CASTOR2: variants seen among roughly 807,000 people sequenced by gnomAD.
CASTOR2 encodes the protein GATS protein like 2.
Under a neutral mutation model 31.2 loss-of-function variants are expected in CASTOR2, and 8 were observed. The observed-to-expected ratio is 0.26, with a 90% confidence interval of 0.15 to 0.46. The LOEUF (loss-of-function observed/expected upper bound fraction) is 0.46. CASTOR2 is among the 20% of genes least tolerant of loss of function. CASTOR2 has a pLI of 0.99. For synonymous variants in CASTOR2, 162 were observed against 158.7 expected (o/e 1.02, Z -0.16); for missense variants, 216 against 382.1 (o/e 0.57, Z 3.62).
intron 1 of CASTOR2, among the ~76,000 whole-genome samples, chr7:74,984,605 C>G (rs1241950564): frequency 1.3e-5 from 2 of 152,162 alleles, no homozygotes; most frequent in Admixed American, 6.5e-5. Context: ...GCCAACACCT[C>G]CCTTCCTGCT....
chr7:74,989,114 C>T (rs1229114230), intron 1 of CASTOR2, among the ~76,000 whole-genome samples: 1 of 151,946 alleles, frequency 6.6e-6, no homozygotes, highest in East Asian at 1.9e-4. Context: ...GCGCCCGCCA[C>T]CATGCCCGGC....
intron 2 of CASTOR2, among the ~76,000 whole-genome samples, chr7:75,008,658 T>C (rs1425965384): frequency 6.6e-6 from 1 of 152,134 alleles, no homozygotes; most frequent in Non-Finnish European, 1.5e-5. Context: ...ATTGAACCAC[T>C]GCTTTCCAGG....
intron 1 of CASTOR2, among the ~76,000 whole-genome samples, chr7:74,999,038 C>T (rs1331303670): frequency 6.6e-6 from 1 of 151,958 alleles, no homozygotes; most frequent in Admixed American, 6.6e-5. Flanking sequence ...CTCTGTTGCC[C>T]AGGCTGGGGT....
rs1805249001 is a variant in CASTOR2, at chr7:75,029,735, C to A, written c.*5036C>A. ...ACCTTCTAGTCCGCTCCGAGCAGGG[C>A]CTGGAGCATTGGAGACATTGGTTAG... On this transcript the variant is annotated 3_prime_UTR_variant, in exon 9 of 9. Coordinates refer to ENST00000616305, the MANE Select transcript of CASTOR2 (RefSeq NM_001145064.3). Among the ~76,000 whole-genome samples, 1 of 152,150 alleles carries A rather than the reference C, an allele frequency of 6.6e-6. No individual in the cohort carries two copies. Among genetic ancestry groups the A allele is most frequent in the Non-Finnish European group, 1.5e-5 (1 of 68,038 alleles).
At chr7:75,019,350 G>T (rs1408886391) in intron 5 of CASTOR2, among the ~76,000 whole-genome samples, 1 of 151,876 alleles carries the variant, frequency 6.6e-6, no homozygotes, top group Non-Finnish European at 1.5e-5. Flanking sequence ...AGTCTGATGG[G>T]GGACACATGG....
intron 1 of CASTOR2, among the ~76,000 whole-genome samples, chr7:74,983,229 C>A (rs1803987226): frequency 7.1e-6 from 1 of 140,480 alleles, no homozygotes; most frequent in Non-Finnish European, 1.5e-5. Flanking sequence ...CCAGGCTGGT[C>A]TCAAACTCCT....
chr7:74,974,654 TG>T (rs1803759597), intron 1 of CASTOR2, among the ~76,000 whole-genome samples: 1 of 136,662 alleles, frequency 7.3e-6, no homozygotes, highest in Non-Finnish European at 1.6e-5. Flanking sequence ...CTCTGCTTCC[TG>T]GGTTCAAGTG....
chr7:75,017,818 T>C lies in CASTOR2; in HGVS notation c.378+27T>C, dbSNP rs1472753168. 9 of 1,613,752 alleles carry C rather than the reference T, an allele frequency of 5.6e-6. No individual in the cohort carries two copies. In the African/African-American group the frequency reaches 1.1e-4, roughly 19 times the overall value. ...TGAGCTGACCATCACAGACACGCCT[T>C]GCACACTCATGCCCGCCTCTGACAC... On this transcript the variant is annotated intron_variant, in intron 3 of 8. Coordinates refer to ENST00000616305, the MANE Select transcript of CASTOR2 (RefSeq NM_001145064.3).
intron 1 of CASTOR2, among the ~76,000 whole-genome samples, chr7:74,990,280 C>T (rs1198543044): frequency 0.66 from 99,712 of 150,586 alleles, 35,539 homozygotes; most frequent in East Asian, 0.93. Flanking sequence ...CCCAGCTACT[C>T]GGGAGGCTGA....
chr7:75,013,561 T>C (rs1367502600), intron 2 of CASTOR2, among the ~76,000 whole-genome samples: 2 of 152,072 alleles, frequency 1.3e-5, no homozygotes, highest in Non-Finnish European at 2.9e-5. Context: ...GAGGATCACT[T>C]GAGCCTGGGA....
chr7:75,028,041 T>C lies in CASTOR2; in HGVS notation c.*3342T>C, dbSNP rs1260976918. The C allele has an allele frequency of 3.3e-6, 5 of 1,533,482 alleles. No individual in the cohort carries two copies. The highest frequency in any genetic ancestry group is 4.4e-6 in the Non-Finnish European group (5 of 1,146,444). The allele number at this position is 1,533,482 out of a possible 1,614,324, so 95.0% of individuals were successfully genotyped here. On this transcript the variant is annotated 3_prime_UTR_variant, in exon 9 of 9. Coordinates refer to ENST00000616305, the MANE Select transcript of CASTOR2 (RefSeq NM_001145064.3). ...CATCCCCCGGAGGTAATCAGAGGAGTGGGCCTGTTGTCTTGGCGCTGGCGG... is the reference window on the plus strand; with the variant it reads ...CATCCCCCGGAGGTAATCAGAGGAGCGGGCCTGTTGTCTTGGCGCTGGCGG...
At position 75,009,097 on chromosome 7, in the gene CASTOR2, C is replaced by T. The variant is rs1213602318; in HGVS notation, c.184+1033C>T. On this transcript the variant is annotated intron_variant, in intron 2 of 8. Transcript: ENST00000616305. Reference sequence around the variant, plus strand: ...TCAGCCTCCCAAGTAGCTGGGATTACAGGTGCCCGCCGCCACGCCCGGCTA... The same window carrying T: ...TCAGCCTCCCAAGTAGCTGGGATTATAGGTGCCCGCCGCCACGCCCGGCTA... 5.3e-5 allele frequency among the ~76,000 whole-genome samples: 8 copies of T among 151,982 alleles called. No individual in the cohort carries two copies. In the East Asian group the frequency reaches 1.4e-3, roughly 26 times the overall value.
intron 7 of CASTOR2, 142 bp from the exon 8 acceptor site, chr7:75,024,298 T>A (rs1468121940): frequency 1.1e-6 from 1 of 878,060 alleles, no homozygotes. Context: ...TCAAAAAAAA[T>A]AAAAGGGATA....
intron 1 of CASTOR2, among the ~76,000 whole-genome samples, chr7:74,982,244 C>T (rs1481518836): frequency 3.8e-5 from 5 of 131,964 alleles, no homozygotes; most frequent in African/African-American, 5.8e-5. Flanking sequence ...GGCTGGGGAA[C>T]GACCCTGGGG....
chr7:74,989,165 C>T (rs1445011407), intron 1 of CASTOR2, among the ~76,000 whole-genome samples: 8 of 151,436 alleles, frequency 5.3e-5, no homozygotes, highest in Non-Finnish European at 1.0e-4. Flanking sequence ...GGGGTTTCAC[C>T]GTGTTAGCCA....
At chr7:75,019,212 C>G (rs1399078089) in intron 5 of CASTOR2, 117 bp downstream of exon 5, 9 of 1,499,414 alleles carry the variant, frequency 6.0e-6, no homozygotes, top group Non-Finnish European at 7.3e-6. Flanking sequence ...AGGGAAGAGA[C>G]ACAGACCTTC....
intron 2 of CASTOR2, 132 bp downstream of exon 2, chr7:75,008,196 A>G: frequency 8.5e-7 from 1 of 1,176,142 alleles, no homozygotes; most frequent in Non-Finnish European, 1.3e-6. Context: ...TTCTGCCCTC[A>G]TCTGCTGGTC....
At chr7:74,997,017 G>C (rs1190937246) in intron 1 of CASTOR2, among the ~76,000 whole-genome samples, 2 of 149,966 alleles carry the variant, frequency 1.3e-5, no homozygotes. Flanking sequence ...TTACAGGCAT[G>C]AGCCACCGCG....
At chr7:75,017,408 C>T (rs1461187961) in intron 2 of CASTOR2, among the ~76,000 whole-genome samples, 190 bp from the exon 3 acceptor site, 1 of 152,152 alleles carries the variant, frequency 6.6e-6, no homozygotes, top group African/African-American at 2.4e-5. Context: ...GATCGCGCTA[C>T]TCCAGGCACT....
Sources: allele counts gnomAD v4.1 joint callset (sites outside exome capture counted in the v4.1 genomes callset), GRCh38; gene constraint gnomAD v4.1.1; transcripts MANE v1.5; gene names NCBI Gene and HGNC (gene_info 2026-07-23, HGNC 2026-07-21).